The following B3GALT1 variants were observed in gnomAD, a reference collection of about 807,000 sequenced individuals.
B3GALT1 encodes beta-1,3-galactosyltransferase 1.
B3GALT1 carries 10 observed loss-of-function variants against 23.2 expected under a neutral mutation model. The observed-to-expected ratio is 0.43, with a 90% CI of 0.27 to 0.73. The LOEUF (loss-of-function observed/expected upper bound fraction) is 0.73, where lower values mean the gene tolerates loss of function less well. Ranked by LOEUF, B3GALT1 falls within the 30% of genes least tolerant of loss-of-function variation. The pLI is 0.21. For synonymous variants in B3GALT1, 156 were observed against 141.5 expected (o/e 1.10, Z -0.73); for missense variants, 299 against 405.4 (o/e 0.74, Z 2.25).
chr2:167,769,605 G>GACTCTGT, intron 3 of B3GALT1, among the ~76,000 whole-genome samples: 1 of 152,042 alleles, frequency 6.6e-6, no homozygotes, highest in South Asian at 2.1e-4. Flanking sequence ...AGCAGAACTA[G>GACTCTGT]TCTCTGTTCC....
chr2:167,401,938 A>G (rs1008372124), intron 1 of B3GALT1, among the ~76,000 whole-genome samples: 8 of 152,182 alleles, frequency 5.3e-5, no homozygotes, highest in Non-Finnish European at 1.0e-4. Flanking sequence ...GTAGAAGCTC[A>G]TTAAAACAAG....
intron 3 of B3GALT1, among the ~76,000 whole-genome samples, chr2:167,788,567 C>T (rs971046773): frequency 1.3e-5 from 2 of 152,000 alleles, no homozygotes; most frequent in African/African-American, 2.4e-5. Flanking sequence ...TCTAATGTCA[C>T]TTCTGATCTG....
chr2:167,619,177 T>A (rs1209678354), intron 2 of B3GALT1, among the ~76,000 whole-genome samples: 4 of 151,962 alleles, frequency 2.6e-5, no homozygotes, highest in African/African-American at 9.7e-5. Context: ...ACTCCTAGAT[T>A]TTTGTTTTAT....
At chr2:167,294,580 C>T (rs186413587) in intron 1 of B3GALT1, among the ~76,000 whole-genome samples, 2 of 152,162 alleles carry the variant, frequency 1.3e-5, no homozygotes, top group Non-Finnish European at 2.9e-5. Context: ...CTATGTGGCT[C>T]CTTGTCTCCG....
In B3GALT1 at chr2:167,490,245, C is replaced by T. The variant is rs913596318; in HGVS notation, c.-442C>T. 1 of 152,144 alleles carries T rather than the reference C, an allele frequency of 6.6e-6. No homozygotes were observed. Among genetic ancestry groups the T allele is most frequent in the African/African-American group, 2.4e-5 (1 of 41,446 alleles). 9.4% of individuals were successfully genotyped at this position (152,144 alleles called of 1,614,324 possible). ...GGGATTTTGTGAAGACACAGATGCT[C>T]CCTAAAAGGAGTGCAGAAATTTTCA... On this transcript the variant is annotated 5_prime_UTR_variant, in exon 2 of 5. Coordinates refer to ENST00000392690, the MANE Select transcript of B3GALT1 (RefSeq NM_020981.4).
chr2:167,669,783 T>TC (rs2105482220), intron 3 of B3GALT1, among the ~76,000 whole-genome samples: 1 of 152,224 alleles, frequency 6.6e-6, no homozygotes, highest in African/African-American at 2.4e-5. Context: ...CTACAGTTTA[T>TC]CTTATCAGGG....
intron 1 of B3GALT1, among the ~76,000 whole-genome samples, chr2:167,380,123 C>T (rs887015620): frequency 6.6e-6 from 1 of 152,152 alleles, no homozygotes; most frequent in Non-Finnish European, 1.5e-5. Flanking sequence ...ATAAGCTGTA[C>T]TCTGAATGCT....
chr2:167,539,315 T>G (rs1227364230), intron 2 of B3GALT1, among the ~76,000 whole-genome samples: 1 of 152,110 alleles, frequency 6.6e-6, no homozygotes, highest in Non-Finnish European at 1.5e-5. Flanking sequence ...AAAATCTTTG[T>G]AATTTAGTAA....
intron 3 of B3GALT1, among the ~76,000 whole-genome samples, chr2:167,757,217 G>A (rs1022335336): frequency 5.9e-5 from 9 of 152,102 alleles, no homozygotes; most frequent in East Asian, 1.9e-4. Context: ...ATTTGCTGCC[G>A]TGCCCCATTC....
At chr2:167,530,347 G>C (rs1263491574) in intron 2 of B3GALT1, among the ~76,000 whole-genome samples, 2 of 152,072 alleles carry the variant, frequency 1.3e-5, no homozygotes, top group Non-Finnish European at 2.9e-5. Context: ...TCACCCACTA[G>C]AATGTAAGTT....
intron 2 of B3GALT1, among the ~76,000 whole-genome samples, chr2:167,500,635 G>GGAAA (rs1553522800): frequency 2.0e-5 from 3 of 149,664 alleles, no homozygotes; most frequent in African/African-American, 7.3e-5. Context: ...GACTTATAAG[G>GGAAA]AAAAAAAAAA....
At chr2:167,699,779 C>A (rs1302874583) in intron 3 of B3GALT1, among the ~76,000 whole-genome samples, 1 of 152,124 alleles carries the variant, frequency 6.6e-6, no homozygotes. Context: ...ATGATGCGAT[C>A]TCGGCTCACT....
intron 1 of B3GALT1, among the ~76,000 whole-genome samples, chr2:167,389,391 G>C (rs568319894): frequency 6.6e-6 from 1 of 152,264 alleles, no homozygotes; most frequent in East Asian, 1.9e-4. Flanking sequence ...TAGTGGCTTG[G>C]TGCCATTTTG....
chr2:167,587,989 G>A (rs1684610130), intron 2 of B3GALT1, among the ~76,000 whole-genome samples: 1 of 152,176 alleles, frequency 6.6e-6, no homozygotes, highest in African/African-American at 2.4e-5. Flanking sequence ...TCATTTGATG[G>A]AAACTGAGTG....
At chr2:167,797,167 C>T (rs1688557841) in intron 3 of B3GALT1, among the ~76,000 whole-genome samples, 1 of 152,180 alleles carries the variant, frequency 6.6e-6, no homozygotes, top group South Asian at 2.1e-4. Flanking sequence ...TGTTGTTCCC[C>T]ACCTCCTGTC....
chr2:167,634,834 C>A (rs936558645), intron 2 of B3GALT1, among the ~76,000 whole-genome samples: 18 of 152,226 alleles, frequency 1.2e-4, no homozygotes, highest in African/African-American at 4.3e-4. Flanking sequence ...AAGAGGGAAT[C>A]CTCCCTAACT....
At chr2:167,691,475 G>C (rs1335897093) in intron 3 of B3GALT1, among the ~76,000 whole-genome samples, 1 of 151,970 alleles carries the variant, frequency 6.6e-6, no homozygotes, top group African/African-American at 2.4e-5. Flanking sequence ...TTCACATTTA[G>C]TAAAAATTAA....
intron 1 of B3GALT1, among the ~76,000 whole-genome samples, chr2:167,443,278 C>G (rs1362239248): frequency 3.3e-5 from 5 of 152,060 alleles, no homozygotes; most frequent in Non-Finnish European, 7.4e-5. Context: ...GTTACTGTAG[C>G]CTTGTAGTAT....
chr2:167,509,646 G>C (rs1316056630), intron 2 of B3GALT1, among the ~76,000 whole-genome samples: 1 of 152,140 alleles, frequency 6.6e-6, no homozygotes, highest in East Asian at 1.9e-4. Context: ...AAAGCATTAG[G>C]AGGTACAAAG....
Sources: allele counts gnomAD v4.1 joint callset (sites outside exome capture counted in the v4.1 genomes callset), GRCh38; gene constraint gnomAD v4.1.1; transcripts MANE v1.5; gene names NCBI Gene and HGNC (gene_info 2026-07-23, HGNC 2026-07-21).